The following MRPS26 variants were observed in gnomAD, a reference collection of about 807,000 sequenced individuals.
MRPS26 encodes the protein small ribosomal subunit protein mS26.
MRPS26 carries 26 observed loss-of-function variants against 22.7 expected under a neutral mutation model. The ratio of observed to expected loss-of-function variants is 1.15; its 90% confidence interval spans 0.84 to 1.59. MRPS26 has a LOEUF of 1.59. MRPS26 is among the 40% of genes most tolerant of loss of function. The pLI, the probability that MRPS26 is intolerant of heterozygous loss-of-function variation, is 0.00. For missense variants in MRPS26, 291 were observed against 287.7 expected (o/e 1.01, Z -0.08); for synonymous variants, 120 against 124.0 (o/e 0.97, Z 0.22).
rs1346636174 is a variant in MRPS26, at chr20:3,047,761, A to G, written c.510A>G (p.Arg170=). The G allele has an allele frequency of 2.5e-6, 4 of 1,613,738 alleles. No homozygotes were observed. The highest frequency in any genetic ancestry group is 3.3e-5 in the Admixed American group (2 of 59,950). Residue 170 remains arginine (R), a synonymous_variant, in exon 4 of 4, where the codon CGA becomes CGG. Transcript: ENST00000380325. ...AAGAGGTGAAAAACTTCATCACCCG[A>G]GAGAACCTGGAGGCACGGGTGGAAG... ...LQEEVKNFIT[R]ENLEARVEAA...
intron 3 of MRPS26, among the ~76,000 whole-genome samples, chr20:3,047,058 G>A (rs1221008098): frequency 6.6e-6 from 1 of 152,208 alleles, no homozygotes; most frequent in African/African-American, 2.4e-5. Flanking sequence ...TAAAAGCAGG[G>A]AGACCACTTA....
In MRPS26 at chr20:3,046,065, G is replaced by A. The variant is rs1031632533; in HGVS notation, c.-4G>A. On this transcript the variant is annotated 5_prime_UTR_variant, in exon 1 of 4. Transcript: ENST00000380325. ...CACCGCGGCCGCAGTGAGGAGACTC[G>A]GCCATGCTACGCGCGCTGAGCCGCC... The A allele has an allele frequency of 6.7e-7, 1 of 1,491,334 alleles. No individual in the cohort carries two copies. The allele number at this position is 1,491,334 out of a possible 1,614,324, so 92.4% of individuals were successfully genotyped here.
At chr20:3,047,132 G>A (rs1410729909) in intron 3 of MRPS26, among the ~76,000 whole-genome samples, 9 of 152,172 alleles carry the variant, frequency 5.9e-5, no homozygotes, top group Non-Finnish European at 1.3e-4. Flanking sequence ...TGGGAGCGGT[G>A]GTTCACGCCT....
intron 3 of MRPS26, among the ~76,000 whole-genome samples, chr20:3,047,377 A>G (rs1356178631): frequency 2.0e-5 from 3 of 148,548 alleles, no homozygotes; most frequent in African/African-American, 7.4e-5. Context: ...CGACAGTGAG[A>G]CTCCGTCTCA....
chr20:3,047,654 G>A (rs2148557665), intron 3 of MRPS26, 81 bp from the exon 4 acceptor site: 1 of 1,576,038 alleles, frequency 6.3e-7, no homozygotes, highest in Non-Finnish European at 8.6e-7. Context: ...TTTCTCAGTG[G>A]GGTGAGAGGC....
chr20:3,047,332 T>C (rs6133008), intron 3 of MRPS26, among the ~76,000 whole-genome samples: 2,292 of 152,156 alleles, frequency 0.015, 120 homozygotes, highest in Admixed American at 0.089. Flanking sequence ...GAGGTTGCAG[T>C]GAGCCGAGAT....
intron 3 of MRPS26, 72 bp downstream of exon 3, chr20:3,046,809 C>G (rs2065991485): frequency 1.3e-6 from 2 of 1,512,644 alleles, no homozygotes; most frequent in African/African-American, 2.8e-5. Context: ...ATTCTGGGCA[C>G]CGCGACGCGG....
At position 3,048,031 on chromosome 20, in the gene MRPS26, A is replaced by G; in HGVS notation, c.*162A>G. 1.3e-6 allele frequency: 1 copy of G among 795,332 alleles called. No individual in the cohort carries two copies. The highest frequency in any genetic ancestry group is 1.9e-6 in the Non-Finnish European group (1 of 536,294). The allele number at this position is 795,332 out of a possible 1,614,324, so 49.3% of individuals were successfully genotyped here. The stretch of plus-strand genomic sequence containing the variant: ...CCTCTGCTGTCACCACTTGGTCAGA[A>G]ACTTCCAAACGCAGTGCCCTGTTCT... On this transcript the variant is annotated 3_prime_UTR_variant, in exon 4 of 4. Transcript: ENST00000380325. This position sits in a 1 kb window ranked among gnomAD's most constrained non-coding sequence, Gnocchi z 4.1.
rs2065986721 is a variant in MRPS26, at chr20:3,046,167, G to C, written c.99G>C (p.Pro33=). The C allele has an allele frequency of 6.3e-7, 1 of 1,598,410 alleles. No homozygotes were observed. The highest frequency in any genetic ancestry group is 8.5e-7 in the Non-Finnish European group (1 of 1,179,342). Residue 33 remains proline, a synonymous_variant, in exon 1 of 4, where the codon CCG becomes CCC. Coordinates refer to ENST00000380325, the MANE Select transcript of MRPS26 (RefSeq NM_030811.4). ...GCGGCCGCAAGACCCGCCACGACCC[G>C]CTGGCCAAATCCAAGATCGAGCGAG... ...PARGRKTRHD[P]LAKSKIERVN...
chr20:3,047,656 G>A (rs2065995259), intron 3 of MRPS26, 79 bp from the exon 4 acceptor site: 1 of 1,589,128 alleles, frequency 6.3e-7, no homozygotes, highest in African/African-American at 1.4e-5. Flanking sequence ...TCTCAGTGGG[G>A]TGAGAGGCCA....
chr20:3,047,655 G>A (rs2065995243), intron 3 of MRPS26, 80 bp from the exon 4 acceptor site: 4 of 1,585,876 alleles, frequency 2.5e-6, no homozygotes, highest in Non-Finnish European at 3.4e-6. Context: ...TTCTCAGTGG[G>A]GTGAGAGGCC....
chr20:3,046,203 G>A lies in MRPS26; in HGVS notation c.135G>A (p.Pro45=). 1 of 1,602,270 alleles carries A rather than the reference G, an allele frequency of 6.2e-7. No homozygotes were observed. Among genetic ancestry groups the A allele is most frequent in the Non-Finnish European group, 8.5e-7 (1 of 1,179,610 alleles). Residue 45 remains proline, a synonymous_variant, in exon 1 of 4, where the codon CCG becomes CCA. Transcript: ENST00000380325. ...CCAAGATCGAGCGAGTGAACATGCCGCCCGCGGTGGACCCTGCGGAGTTCT... is the reference window on the plus strand; with the variant it reads ...CCAAGATCGAGCGAGTGAACATGCCACCCGCGGTGGACCCTGCGGAGTTCT... The part of the protein sequence containing the change: ...AKSKIERVNM[P]PAVDPAEFFV...
In MRPS26 at chr20:3,046,157, G is replaced by T. The variant is rs1458278854; in HGVS notation, c.89G>T (p.Arg30Leu). The T allele has an allele frequency of 3.1e-6, 5 of 1,597,166 alleles. No individual in the cohort carries two copies. The highest frequency in any genetic ancestry group is 4.2e-6 in the Non-Finnish European group (5 of 1,179,068). Reference sequence around the variant, plus strand: ...CTGCCAGCGCGCGGCCGCAAGACCCGCCACGACCCGCTGGCCAAATCCAAG... The same window carrying T: ...CTGCCAGCGCGCGGCCGCAAGACCCTCCACGACCCGCTGGCCAAATCCAAG... ...LVLPARGRKT[R>L]HDPLAKSKIE... Residue 30 changes from arginine to leucine, a missense_variant, in exon 1 of 4, where the codon CGC becomes CTC. Coordinates refer to ENST00000380325, the MANE Select transcript of MRPS26 (RefSeq NM_030811.4).
In MRPS26 at chr20:3,047,766, A is replaced by C. The variant is rs145195220; in HGVS notation, c.515A>C (p.Asn172Thr). ...GTGAAAAACTTCATCACCCGAGAGAACCTGGAGGCACGGGTGGAAGCAGCA... is the reference window on the plus strand; with the variant it reads ...GTGAAAAACTTCATCACCCGAGAGACCCTGGAGGCACGGGTGGAAGCAGCA... The part of the protein sequence containing the change: ...EEVKNFITRE[N>T]LEARVEAALD... Residue 172 changes from asparagine to threonine, a missense_variant, in exon 4 of 4, where the codon AAC becomes ACC. Coordinates refer to ENST00000380325, the MANE Select transcript of MRPS26 (RefSeq NM_030811.4). 626 of 1,613,776 alleles carry C rather than the reference A, an allele frequency of 3.9e-4. No homozygotes were observed. The highest frequency in any genetic ancestry group is 1.3e-3 in the Middle Eastern group (8 of 6,060).
intron 2 of MRPS26, 33 bp from the exon 3 acceptor site, chr20:3,046,581 C>G: frequency 6.5e-7 from 1 of 1,529,924 alleles, no homozygotes; most frequent in Non-Finnish European, 8.8e-7. Flanking sequence ...GAAGCCCGGG[C>G]CCCGCTCAGC....
intron 3 of MRPS26, among the ~76,000 whole-genome samples, 182 bp from the exon 4 acceptor site, chr20:3,047,553 G>A (rs927108785): frequency 1.3e-5 from 2 of 152,284 alleles, no homozygotes; most frequent in Middle Eastern, 3.4e-3. Flanking sequence ...ACGTGGAAAA[G>A]CAACCTGATA....
In MRPS26 at chr20:3,047,875, C is replaced by T. The variant is rs541541162; in HGVS notation, c.*6C>T. The T allele has an allele frequency of 1.9e-6, 3 of 1,596,392 alleles. No homozygotes were observed. The highest frequency in any genetic ancestry group is 1.8e-5 in the Admixed American group (1 of 54,070). On this transcript the variant is annotated 3_prime_UTR_variant, in exon 4 of 4. Transcript: ENST00000380325. Reference sequence around the variant, plus strand: ...CACAACGCAGGGACTCCTAGGGGCCCAGTAAGGACAGTGCCCGCCAGGGAC... The same window carrying T: ...CACAACGCAGGGACTCCTAGGGGCCTAGTAAGGACAGTGCCCGCCAGGGAC...
At chr20:3,046,820 G>C in intron 3 of MRPS26, 83 bp downstream of exon 3, 1 of 1,506,510 alleles carries the variant, frequency 6.6e-7, no homozygotes, top group Non-Finnish European at 8.9e-7. Flanking sequence ...CGCGACGCGG[G>C]CGCTGGCTAT....
chr20:3,046,880 G>A (rs1358933184), intron 3 of MRPS26, 143 bp downstream of exon 3: 2 of 1,364,236 alleles, frequency 1.5e-6, no homozygotes, highest in Admixed American at 4.8e-5. Context: ...GAGAGTGCCA[G>A]TCAGGCGCAA....
Sources: gnomAD v4.1 joint callset for allele counts (sites outside exome capture counted in the v4.1 genomes callset) on GRCh38, gnomAD v4.1.1 for gene constraint, Gnocchi (gnomAD v3.1) non-coding constraint, MANE v1.5 for transcripts, NCBI Gene and HGNC (gene_info 2026-07-23, HGNC 2026-07-21) for gene names.